Variants in CSMD1 observed in about 807,000 individuals in gnomAD.
CSMD1 encodes CUB and Sushi multiple domains 1, also known as CUB and sushi domain-containing protein 1.
A neutral mutation model predicts 417.5 loss-of-function variants in CSMD1; 213 were observed. That is an observed-to-expected ratio of 0.51 (90% CI 0.46 to 0.57). CSMD1 has a LOEUF of 0.57. CSMD1 is among the 20% of genes least tolerant of loss of function. CSMD1 has a pLI of 0.00. For synonymous variants in CSMD1, 2,862 were observed against 1,736.8 expected (o/e 1.65, Z -16.11); for missense variants, 6,923 against 4,529.7 (o/e 1.53, Z -15.17).
In CSMD1 at chr8:4,742,393, C is replaced by T. The variant is rs181812276; in HGVS notation, c.86-104835G>A. Among the ~76,000 whole-genome samples the T allele has an allele frequency of 5.8e-3, 875 of 152,026 alleles. 12 individuals are homozygous for T. The highest frequency in any genetic ancestry group is 0.02 in the African/African-American group (830 of 41,486). On this transcript the variant is annotated intron_variant, in intron 1 of 69. Coordinates refer to ENST00000635120, the MANE Select transcript of CSMD1 (RefSeq NM_033225.6). ...CTGTATCATGAGAAATTTAAGACTG[C>T]TGTTTTAAAAATAAATGTCCTACTC...
intron 10 of CSMD1, among the ~76,000 whole-genome samples, chr8:3,543,851 T>A (rs913593749): frequency 6.6e-6 from 1 of 152,122 alleles, no homozygotes; most frequent in Non-Finnish European, 1.5e-5. Context: ...TGGATTGTAT[T>A]TGAAGCTGCA....
At chr8:4,804,228 A>C (rs1798461822) in intron 1 of CSMD1, among the ~76,000 whole-genome samples, 1 of 152,242 alleles carries the variant, frequency 6.6e-6, no homozygotes, top group East Asian at 1.9e-4. Context: ...TAGATGAGTT[A>C]AAATACACCT....
chr8:3,048,721 G>C (rs562219503), intron 50 of CSMD1, among the ~76,000 whole-genome samples: 20 of 151,716 alleles, frequency 1.3e-4, no homozygotes, highest in African/African-American at 4.6e-4. Flanking sequence ...ATTTTAAAAA[G>C]AACAGATATG....
chr8:4,733,229 G>T (rs955010749), intron 1 of CSMD1, among the ~76,000 whole-genome samples: 1 of 152,082 alleles, frequency 6.6e-6, no homozygotes, highest in African/African-American at 2.4e-5. Context: ...AATTCAAAAA[G>T]TTCATTTCCT....
At chr8:3,073,507 A>G (rs66697352) in intron 49 of CSMD1, among the ~76,000 whole-genome samples, 23,494 of 152,230 alleles carry the variant, frequency 0.15, 2,001 homozygotes, top group Non-Finnish European at 0.19. Flanking sequence ...TAAATGAAGC[A>G]AAGCTACAGA....
chr8:3,387,039 G>A (rs1403526090), intron 18 of CSMD1, among the ~76,000 whole-genome samples: 2 of 152,158 alleles, frequency 1.3e-5, no homozygotes, highest in African/African-American at 2.4e-5. Flanking sequence ...GACAGCTTCT[G>A]AGCTCAGAAT....
chr8:4,351,829 A>T (rs1801112769), intron 3 of CSMD1, among the ~76,000 whole-genome samples: 1 of 152,188 alleles, frequency 6.6e-6, no homozygotes, highest in Admixed American at 6.5e-5. Context: ...GCAACACACC[A>T]GGCCAAGGAG....
At chr8:4,565,420 T>A (rs1459835453) in intron 2 of CSMD1, among the ~76,000 whole-genome samples, 1 of 152,072 alleles carries the variant, frequency 6.6e-6, no homozygotes. Flanking sequence ...GTGGAATAAT[T>A]CAATAGCAAT....
rs60369147 is a variant in CSMD1, at chr8:4,522,387, C to T, written c.303-102322G>A. Among the ~76,000 whole-genome samples, 327 of 152,146 alleles carry T rather than the reference C, an allele frequency of 2.1e-3. 3 individuals are homozygous for T. Among genetic ancestry groups the T allele is most frequent in the African/African-American group, 7.2e-3 (297 of 41,502 alleles). On this transcript the variant is annotated intron_variant, in intron 2 of 69. Coordinates refer to ENST00000635120, the MANE Select transcript of CSMD1 (RefSeq NM_033225.6). Reference sequence around the variant, plus strand: ...GTCTCCGGTATGCCTTTATCAGCAGCGTTAAAACGGTATAATATAGTTATG... The same window carrying T: ...GTCTCCGGTATGCCTTTATCAGCAGTGTTAAAACGGTATAATATAGTTATG...
At chr8:3,604,478 G>A (rs1168457805) in intron 8 of CSMD1, among the ~76,000 whole-genome samples, 2 of 152,082 alleles carry the variant, frequency 1.3e-5, no homozygotes, top group Admixed American at 6.6e-5. Context: ...ACACGAGAAG[G>A]ATCATAGAAA....
At chr8:4,644,617 C>A (rs949269006) in intron 1 of CSMD1, among the ~76,000 whole-genome samples, 2 of 152,210 alleles carry the variant, frequency 1.3e-5, no homozygotes, top group African/African-American at 4.8e-5. Flanking sequence ...CCGTGTTGCC[C>A]AGGCTGGGCA....
chr8:3,261,024 C>A (rs573100996), intron 26 of CSMD1, among the ~76,000 whole-genome samples: 7 of 152,220 alleles, frequency 4.6e-5, no homozygotes, highest in South Asian at 2.1e-4. Context: ...CAAAAAAAAC[C>A]TTTCACTGTA....
chr8:3,979,248 A>T (rs1291794448), intron 5 of CSMD1, among the ~76,000 whole-genome samples: 1 of 152,202 alleles, frequency 6.6e-6, no homozygotes, highest in Non-Finnish European at 1.5e-5. Context: ...AATTTAGGGC[A>T]TCTTTTTGTT....
At chr8:3,179,897 T>C (rs1226915016) in intron 37 of CSMD1, among the ~76,000 whole-genome samples, 1 of 152,204 alleles carries the variant, frequency 6.6e-6, no homozygotes, top group Admixed American at 6.5e-5. Context: ...ATGCCCATAA[T>C]AAGCAGGAAA....
intron 15 of CSMD1, among the ~76,000 whole-genome samples, chr8:3,402,631 T>C (rs989380073): frequency 2.6e-5 from 4 of 152,240 alleles, no homozygotes; most frequent in Non-Finnish European, 5.9e-5. Flanking sequence ...AGCTTTTCAC[T>C]GTTTACGTAA....
At chr8:4,425,521 G>C (rs567743722) in intron 2 of CSMD1, among the ~76,000 whole-genome samples, 3 of 152,214 alleles carry the variant, frequency 2.0e-5, no homozygotes, top group South Asian at 2.1e-4. Flanking sequence ...CTGGCTGCGA[G>C]TAAGGAATCT....
At chr8:3,962,648 T>C (rs919174604) in intron 5 of CSMD1, among the ~76,000 whole-genome samples, 7 of 152,120 alleles carry the variant, frequency 4.6e-5, no homozygotes, top group African/African-American at 1.2e-4. Context: ...GGACATTCAA[T>C]TGCAGTTAGA....
intron 5 of CSMD1, among the ~76,000 whole-genome samples, chr8:3,865,894 C>G (rs973798618): frequency 3.3e-5 from 5 of 152,112 alleles, no homozygotes; most frequent in African/African-American, 7.2e-5. Context: ...GCAATATTTA[C>G]AAGTAATTGT....
intron 3 of CSMD1, among the ~76,000 whole-genome samples, chr8:4,202,464 G>T (rs116508693): frequency 5.3e-4 from 80 of 152,288 alleles, no homozygotes; most frequent in Middle Eastern, 3.4e-3. Flanking sequence ...CATTACGTAA[G>T]TTTTAACTAA....
Sources: allele counts gnomAD v4.1 joint callset (sites outside exome capture counted in the v4.1 genomes callset), GRCh38; gene constraint gnomAD v4.1.1; transcripts MANE v1.5; gene names NCBI Gene and HGNC (gene_info 2026-07-23, HGNC 2026-07-21).